Variants in FXN observed in about 807,000 individuals in gnomAD.
FXN encodes frataxin, mitochondrial.
In FXN, 14 loss-of-function variants were observed where a neutral mutation model predicts 22.4. The observed-to-expected ratio is 0.62, with a 90% CI of 0.41 to 0.98. The LOEUF (loss-of-function observed/expected upper bound fraction) is 0.98, where lower values mean the gene tolerates loss of function less well. Ranked by LOEUF, FXN falls within the 50% of genes least tolerant of loss-of-function variation. The probability of loss-of-function intolerance (pLI) is 0.00; values close to 1 mark genes in which losing one functional copy is unlikely to be tolerated. For missense variants in FXN, 267 were observed against 268.4 expected, an observed-to-expected ratio of 0.99 and a Z score of 0.04; for synonymous variants, 120 against 114.1, an observed-to-expected ratio of 1.05 and a Z score of -0.33.
intron 2 of FXN, among the ~76,000 whole-genome samples, chr9:69,051,419 CTTT>C (rs1322717134): frequency 2.1e-5 from 3 of 143,604 alleles, no homozygotes; most frequent in Non-Finnish European, 1.5e-5. Context: ...TCTTTCTTTT[CTTT>C]TTTTTTTTTT....
chr9:69,043,924 T>C (rs1193610349), intron 1 of FXN, among the ~76,000 whole-genome samples: 2 of 152,116 alleles, frequency 1.3e-5, no homozygotes, highest in African/African-American at 2.4e-5. Context: ...GGTCTCTCTA[T>C]GTTGCCCAGG....
At chr9:69,045,241 C>G (rs1262783333) in intron 1 of FXN, among the ~76,000 whole-genome samples, 1 of 9,948 alleles carries the variant, frequency 1.0e-4, no homozygotes, top group Non-Finnish European at 9.5e-4. Flanking sequence ...TAGAGAGACA[C>G]AGGGAGAATC....
chr9:69,053,267 C>T lies in FXN; in HGVS notation c.384+7C>T, dbSNP rs747818273. 42 of 1,613,144 alleles carry T rather than the reference C, an allele frequency of 2.6e-5. 1 individual carries two copies. The South Asian group carries it at 4.4e-4, about 17-fold the overall frequency. Reference sequence around the variant, plus strand: ...CTATGATGTCTCCTTTGGGGTACCTCTTGACTTCTTTTATTTTTCTGTTTC... The same window carrying T: ...CTATGATGTCTCCTTTGGGGTACCTTTTGACTTCTTTTATTTTTCTGTTTC... On this transcript the variant is annotated splice_region_variant and intron_variant, in intron 3 of 4. Coordinates refer to ENST00000484259, the MANE Select transcript of FXN (RefSeq NM_000144.5).
intron 1 of FXN, among the ~76,000 whole-genome samples, chr9:69,042,026 A>G (rs1831666675): frequency 6.6e-6 from 1 of 152,110 alleles, no homozygotes; most frequent in Non-Finnish European, 1.5e-5. Context: ...GTGGATCATG[A>G]GGTCAGGAGT....
In FXN at chr9:69,074,743, G is replaced by GA. The variant is rs11432103; in HGVS notation, c.*1990dup. 324,140 of 837,488 alleles carry GA rather than the reference G, an allele frequency of 0.39. 58,230 individuals carry two copies. Among genetic ancestry groups the GA allele is most frequent in the East Asian group, 0.66 (5,209 of 7,892 alleles). The allele number at this position is 837,488 out of a possible 1,614,324, so 51.9% of individuals were successfully genotyped here. On this transcript the variant is annotated 3_prime_UTR_variant, in exon 5 of 5. Coordinates refer to ENST00000484259, the MANE Select transcript of FXN (RefSeq NM_000144.5). ...AGCAAGATCCTATCTCTTAAAAAAA[G>GA]AAAAAAAAACCTATTAATAATAAAA...
intron 4 of FXN, among the ~76,000 whole-genome samples, chr9:69,066,934 C>G (rs961554636): frequency 2.0e-5 from 3 of 152,006 alleles, no homozygotes; most frequent in Non-Finnish European, 2.9e-5. Context: ...GGTGCCTTGG[C>G]CAGAGCAGGC....
chr9:69,048,654 T>G (rs966070363), intron 2 of FXN, among the ~76,000 whole-genome samples: 2 of 152,068 alleles, frequency 1.3e-5, no homozygotes, highest in African/African-American at 4.8e-5. Context: ...ACTTTCCACG[T>G]TTGTGCAGCC....
In FXN at chr9:69,075,035, G is replaced by C; in HGVS notation, c.*2273G>C. ...GGGCTGCTCTGACATGAAAGTGGAA[G>C]TTAAGGAATCTGGGCTCTTATGGGG... On this transcript the variant is annotated 3_prime_UTR_variant, in exon 5 of 5. Transcript: ENST00000484259. 2 of 985,454 alleles carry C rather than the reference G, an allele frequency of 2.0e-6. No homozygotes were observed. The highest frequency in any genetic ancestry group is 2.4e-6 in the Non-Finnish European group (2 of 829,964). 61.0% of individuals were successfully genotyped at this position (985,454 alleles called of 1,614,324 possible).
In FXN at chr9:69,077,827, G is replaced by A; in HGVS notation, c.*5065G>A. ...CGCCTGTTATCCCAGCTACTCGGGA[G>A]GCTGAGGCAGGAGAATTGCTTGAAC... is the stretch of plus-strand genomic sequence containing the variant. On this transcript the variant is annotated 3_prime_UTR_variant, in exon 5 of 5. Transcript: ENST00000484259. The A allele has an allele frequency of 1.6e-6, 1 of 637,424 alleles. No homozygotes were observed. The highest frequency in any genetic ancestry group is 1.9e-6 in the Non-Finnish European group (1 of 513,036). The allele number at this position is 637,424 out of a possible 1,614,324, so 39.5% of individuals were successfully genotyped here.
chr9:69,071,649 C>A (rs10521429), intron 4 of FXN, among the ~76,000 whole-genome samples: 10,290 of 152,284 alleles, frequency 0.068, 468 homozygotes, highest in African/African-American at 0.12. Flanking sequence ...ACTGGATGAG[C>A]TTGAGGTGGA....
In FXN at chr9:69,035,850, C is replaced by G. The variant is rs572324212; in HGVS notation, c.68C>G (p.Thr23Ser). 5.3e-6 allele frequency: 8 copies of G among 1,501,300 alleles called. 1 individual carries two copies. Among genetic ancestry groups the G allele is most frequent in the Non-Finnish European group, 7.1e-6 (8 of 1,132,096 alleles). 93.0% of individuals were successfully genotyped at this position (1,501,300 alleles called of 1,614,324 possible). Residue 23 changes from threonine to serine, a missense_variant, in exon 1 of 5, where the codon ACC becomes AGC. Physicochemically the swap from Thr to Ser is moderately conservative, Grantham distance 58 (BLOSUM62 1). Transcript: ENST00000484259. Reference sequence around the variant, plus strand: ...TCACCCAGCCCAGCCCAGGCCCAGACCCTCACCCGGGTCCCGCGGCCGGCA... The same window carrying G: ...TCACCCAGCCCAGCCCAGGCCCAGAGCCTCACCCGGGTCCCGCGGCCGGCA... ...LASPSPAQAQTLTRVPRPAEL... is the reference protein window; with the variant it reads ...LASPSPAQAQSLTRVPRPAEL...
chr9:69,071,351 C>T (rs958893063), intron 4 of FXN: 3 of 511,778 alleles, frequency 5.9e-6, no homozygotes, highest in African/African-American at 5.8e-5. Flanking sequence ...CTTTTATTGC[C>T]CAAGCTTCCC....
chr9:69,077,969 G>A lies in FXN; in HGVS notation c.*5207G>A. On this transcript the variant is annotated 3_prime_UTR_variant, in exon 5 of 5. Coordinates refer to ENST00000484259, the MANE Select transcript of FXN (RefSeq NM_000144.5). ...CCGTGTCTGCCATCTTAAGTGTAAAGGTGGCTAAATTATATAGAAAAATAA... is the reference window on the plus strand; with the variant it reads ...CCGTGTCTGCCATCTTAAGTGTAAAAGTGGCTAAATTATATAGAAAAATAA... 1.0e-6 allele frequency: 1 copy of A among 984,568 alleles called. No homozygotes were observed. Among genetic ancestry groups the A allele is most frequent in the Non-Finnish European group, 1.2e-6 (1 of 829,206 alleles). 61.0% of individuals were successfully genotyped at this position (984,568 alleles called of 1,614,324 possible).
intron 1 of FXN, among the ~76,000 whole-genome samples, chr9:69,039,721 G>A (rs185018666): frequency 2.1e-3 from 318 of 152,228 alleles, no homozygotes; most frequent in African/African-American, 7.3e-3. Flanking sequence ...CTTAAATACC[G>A]GAGACAGCTT....
At chr9:69,038,058 C>T (rs910026391) in intron 1 of FXN, among the ~76,000 whole-genome samples, 1 of 152,234 alleles carries the variant, frequency 6.6e-6, no homozygotes, top group Non-Finnish European at 1.5e-5. Context: ...CCCAACTTGG[C>T]GCTGCCGCCC....
rs186395001 is a variant in FXN at position 69,056,230 on chromosome 9, C to T, written c.384+2970C>T. 4.6e-5 allele frequency among the ~76,000 whole-genome samples: 7 copies of T among 152,290 alleles called. No individual in the cohort carries two copies. In the East Asian group the frequency reaches 1.3e-3, roughly 29 times the overall value. The stretch of plus-strand genomic sequence containing the variant: ...ACTATTTCTAAAGAGGGTCCCACTA[C>T]CTGTAGGCAGGAAGCAGAGCCTCTG... On this transcript the variant is annotated intron_variant, in intron 3 of 4. Transcript: ENST00000484259.
chr9:69,046,325 G>A, intron 1 of FXN, 60 bp from the exon 2 acceptor site: 1 of 1,186,936 alleles, frequency 8.4e-7, no homozygotes, highest in Non-Finnish European at 1.3e-6. Flanking sequence ...TATAAATTAT[G>A]CATTAATGGG....
chr9:69,058,088 A>T (rs138211718), intron 3 of FXN, among the ~76,000 whole-genome samples: 2 of 152,324 alleles, frequency 1.3e-5, no homozygotes, highest in African/African-American at 4.8e-5. Context: ...CACATAGACA[A>T]ATGAAAGCAG....
In FXN at chr9:69,078,139, G is replaced by C. The variant is rs1832404113; in HGVS notation, c.*5377G>C. ...CCAAAGCTCAAAAGTAATAGAAACA[G>C]ATGAGTTTGGAGTCAGGATTTCTCT... On this transcript the variant is annotated 3_prime_UTR_variant, in exon 5 of 5. Coordinates refer to ENST00000484259, the MANE Select transcript of FXN (RefSeq NM_000144.5). The C allele has an allele frequency of 2.0e-6, 2 of 985,220 alleles. No individual in the cohort carries two copies. The highest frequency in any genetic ancestry group is 1.2e-4 in the Admixed American group (2 of 16,264). 61.0% of individuals were successfully genotyped at this position (985,220 alleles called of 1,614,324 possible).
Sources: allele counts gnomAD v4.1 joint callset (sites outside exome capture counted in the v4.1 genomes callset), GRCh38; gene constraint gnomAD v4.1.1; transcripts MANE v1.5; gene names NCBI Gene and HGNC (gene_info 2026-07-23, HGNC 2026-07-21).